Variants in IGF2BP3 observed in about 807,000 individuals in gnomAD.
The protein encoded by IGF2BP3 is insulin like growth factor 2 mRNA binding protein 3.
In IGF2BP3, 9 loss-of-function variants were observed where a neutral mutation model predicts 73.8. The ratio of observed to expected loss-of-function variants is 0.12; its 90% CI spans 0.07 to 0.21. IGF2BP3 has a LOEUF of 0.21. Among genes scored for constraint, IGF2BP3 ranks in the 10% least tolerant of loss-of-function variants. The probability of loss-of-function intolerance (pLI) is 1.00; values close to 1 mark genes in which losing one functional copy is unlikely to be tolerated. For missense variants in IGF2BP3, 542 were observed against 714.0 expected, an observed-to-expected ratio of 0.76 and a Z score of 2.75; for synonymous variants, 258 against 256.7, an observed-to-expected ratio of 1.01 and a Z score of -0.05.
At chr7:23,457,028 G>A (rs1207270300) in intron 2 of IGF2BP3, among the ~76,000 whole-genome samples, 2 of 151,920 alleles carry the variant, frequency 1.3e-5, no homozygotes, top group East Asian at 3.9e-4. Flanking sequence ...CAGCCCAGTC[G>A]ACAGAGCAAG....
At chr7:23,393,520 G>A (rs867294867) in intron 3 of IGF2BP3, among the ~76,000 whole-genome samples, 4 of 152,108 alleles carry the variant, frequency 2.6e-5, no homozygotes, top group South Asian at 4.1e-4. Context: ...TAAGGGGCTC[G>A]GAAACCGTGC....
chr7:23,317,814 G>A (rs1784032405), intron 11 of IGF2BP3, 101 bp from the exon 12 acceptor site: 1 of 946,110 alleles, frequency 1.1e-6, no homozygotes, highest in Non-Finnish European at 1.7e-6. Flanking sequence ...CTGAAATGCA[G>A]AATTAAAGCC....
At chr7:23,349,949 C>A (rs1289894323) in intron 6 of IGF2BP3, among the ~76,000 whole-genome samples, 1 of 152,202 alleles carries the variant, frequency 6.6e-6, no homozygotes, top group Non-Finnish European at 1.5e-5. Flanking sequence ...GCCAGGCCGA[C>A]TGACTAGGTT....
At chr7:23,317,523 A>G (rs760335570) in intron 12 of IGF2BP3, 116 bp downstream of exon 12, 7 of 754,836 alleles carry the variant, frequency 9.3e-6, no homozygotes, top group Admixed American at 4.2e-5. Flanking sequence ...CAGCTCTTAG[A>G]TAAGAATTTC....
intron 2 of IGF2BP3, among the ~76,000 whole-genome samples, chr7:23,467,322 T>C (rs1351279638): frequency 3.3e-5 from 5 of 152,202 alleles, no homozygotes; most frequent in Non-Finnish European, 7.3e-5. Flanking sequence ...ACCAGAGAAA[T>C]GCATAGCAAA....
chr7:23,443,768 G>C (rs894947217), intron 2 of IGF2BP3, among the ~76,000 whole-genome samples: 1 of 152,080 alleles, frequency 6.6e-6, no homozygotes, highest in African/African-American at 2.4e-5. Flanking sequence ...TCAGCACTTT[G>C]GGAGGCCAAG....
Position 23,315,580 on chromosome 7 carries a change from C to T in IGF2BP3, c.1396-1927G>A, listed in dbSNP as rs544039028. On this transcript the variant is annotated intron_variant, in intron 12 of 14. Coordinates refer to ENST00000258729, the MANE Select transcript of IGF2BP3 (RefSeq NM_006547.3). ...ACAAAAAACAATAGTACCCAACACG[C>T]GTTCACTGATTCAGAAAGCTGAGCT... 3.3e-5 allele frequency among the ~76,000 whole-genome samples: 5 copies of T among 152,262 alleles called. No individual in the cohort carries two copies. In the South Asian group the frequency reaches 6.2e-4, roughly 19 times the overall value.
At chr7:23,423,966 A>C (rs1229211563) in intron 2 of IGF2BP3, among the ~76,000 whole-genome samples, 2 of 151,964 alleles carry the variant, frequency 1.3e-5, no homozygotes, top group African/African-American at 2.4e-5. Context: ...AAAAACATAA[A>C]AATTAGCTGG....
chr7:23,335,793 ACTATGCCAATTCCAG>A (rs1452558480), intron 10 of IGF2BP3, among the ~76,000 whole-genome samples: 1 of 152,350 alleles, frequency 6.6e-6, no homozygotes, highest in East Asian at 1.9e-4. Context: ...GGCGACACGC[ACTATGCCAATTCCAG>A]CTCTTGCTCT....
chr7:23,370,675 G>GTT (rs895564098), intron 3 of IGF2BP3, among the ~76,000 whole-genome samples: 14 of 148,326 alleles, frequency 9.4e-5, no homozygotes, highest in African/African-American at 3.4e-4. Flanking sequence ...AGGTTTTTTG[G>GTT]TTTTTTTGTT....
chr7:23,454,181 T>C (rs1249732360), intron 2 of IGF2BP3, among the ~76,000 whole-genome samples: 1 of 152,154 alleles, frequency 6.6e-6, no homozygotes, highest in African/African-American at 2.4e-5. Context: ...CCACTTCTCA[T>C]CCTTCGTTCA....
chr7:23,314,122 C>T (rs1006987899), intron 12 of IGF2BP3, among the ~76,000 whole-genome samples: 1 of 151,174 alleles, frequency 6.6e-6, no homozygotes, highest in Admixed American at 6.6e-5. Flanking sequence ...TGGGCTCAAG[C>T]GATCCTCCTA....
At chr7:23,369,848 G>T (rs1254500217) in intron 3 of IGF2BP3, among the ~76,000 whole-genome samples, 1 of 152,070 alleles carries the variant, frequency 6.6e-6, no homozygotes, top group Non-Finnish European at 1.5e-5. Flanking sequence ...TGGGCGTGAG[G>T]TAGATAATTT....
intron 10 of IGF2BP3, among the ~76,000 whole-genome samples, chr7:23,341,674 A>C (rs1367551080): frequency 1.3e-5 from 2 of 152,130 alleles, no homozygotes; most frequent in Admixed American, 1.3e-4. Context: ...TGTCTCCAAA[A>C]ACTTTTAAAT....
At chr7:23,468,400 A>G in intron 2 of IGF2BP3, 82 bp downstream of exon 2, 1 of 1,414,246 alleles carries the variant, frequency 7.1e-7, no homozygotes, top group East Asian at 2.3e-5. Context: ...TAAGCACCAG[A>G]GGACAAGAAG....
At chr7:23,401,482 ATGCCAGGCACGGTGGCTCACGCC>A (rs1279560584) in intron 3 of IGF2BP3, among the ~76,000 whole-genome samples, 1 of 152,206 alleles carries the variant, frequency 6.6e-6, no homozygotes, top group South Asian at 2.1e-4. Context: ...AGTCACTGCT[ATGCCAGGCACGGTGGCTCACGCC>A]TGTAATTTCA....
intron 2 of IGF2BP3, among the ~76,000 whole-genome samples, chr7:23,448,653 C>G (rs1290559442): frequency 1.3e-5 from 2 of 151,922 alleles, no homozygotes; most frequent in Middle Eastern, 3.4e-3. Flanking sequence ...TTTTTTGAGG[C>G]AGAGTCTCGT....
chr7:23,339,109 T>C (rs530196245), intron 10 of IGF2BP3, among the ~76,000 whole-genome samples: 2 of 152,390 alleles, frequency 1.3e-5, no homozygotes, highest in South Asian at 2.1e-4. Context: ...GTTTTTACTG[T>C]TGGCAGCTTC....
intron 8 of IGF2BP3, among the ~76,000 whole-genome samples, chr7:23,345,139 T>G (rs974085938): frequency 1.3e-5 from 2 of 152,168 alleles, no homozygotes; most frequent in Non-Finnish European, 2.9e-5. Context: ...CCCCTACCAC[T>G]CTTCCTCAGT....
Sources: allele counts gnomAD v4.1 joint callset (sites outside exome capture counted in the v4.1 genomes callset), GRCh38; gene constraint gnomAD v4.1.1; transcripts MANE v1.5; gene names NCBI Gene and HGNC (gene_info 2026-07-23, HGNC 2026-07-21).